The following ANKRD66 variants were observed in gnomAD, a reference collection of about 807,000 sequenced individuals.
ANKRD66 encodes the protein ankyrin repeat domain-containing protein 66.
Under a neutral mutation model 10.9 loss-of-function variants are expected in ANKRD66, and 10 were observed. The ratio of observed to expected loss-of-function variants is 0.91; its 90% CI spans 0.56 to 1.55. ANKRD66 has a LOEUF of 1.55. ANKRD66 is among the 40% of genes most tolerant of loss of function. The pLI, the probability that ANKRD66 is intolerant of heterozygous loss-of-function variation, is 0.00. For missense variants in ANKRD66, 252 were observed against 242.9 expected (o/e 1.04, Z -0.25); for synonymous variants, 85 against 88.4 (o/e 0.96, Z 0.22).
At position 46,758,736 on chromosome 6, in the gene ANKRD66, T is replaced by A; in HGVS notation, c.406T>A (p.Cys136Ser). Reference sequence around the variant, plus strand: ...CTTCTTTCCTAGGGCAGAGCCCGAGTGCCAGGACCACCGTTGCGCTGCCCA... The same window carrying A: ...CTTCTTTCCTAGGGCAGAGCCCGAGAGCCAGGACCACCGTTGCGCTGCCCA... ...VAFLEKAEPE[C>S]QDHRCAAQQK... Residue 136 changes from cysteine (C) to serine (S), a missense_variant, in exon 5 of 5, where the codon TGC becomes AGC. Cys to Ser is a moderately radical substitution (Grantham distance 112). Transcript: ENST00000565422. 3 of 1,548,796 alleles carry A rather than the reference T, an allele frequency of 1.9e-6. No individual in the cohort carries two copies. Among genetic ancestry groups the A allele is most frequent in the Non-Finnish European group, 2.6e-6 (3 of 1,146,218 alleles).
At chr6:46,752,939 C>T (rs1582606243) in intron 3 of ANKRD66, among the ~76,000 whole-genome samples, 1 of 152,224 alleles carries the variant, frequency 6.6e-6, no homozygotes, top group South Asian at 2.1e-4. Flanking sequence ...GTGCTATGGT[C>T]AACTTTGCTT....
intron 4 of ANKRD66, among the ~76,000 whole-genome samples, chr6:46,755,800 T>C (rs1034904645): frequency 4.6e-5 from 7 of 152,160 alleles, no homozygotes; most frequent in Non-Finnish European, 1.0e-4. Context: ...GCTAATCTAC[T>C]TTTTTTAATC....
chr6:46,749,814 GT>G (rs1766229593), intron 1 of ANKRD66, 81 bp from the exon 2 acceptor site: 1 of 1,456,502 alleles, frequency 6.9e-7, no homozygotes, highest in Non-Finnish European at 9.1e-7. Context: ...TCCGGTCTTT[GT>G]GAATGGTTCT....
rs562546379 is a variant in ANKRD66 at position 46,753,744 on chromosome 6, C to T, written c.186C>T (p.Leu62=). 29 of 1,550,762 alleles carry T rather than the reference C, an allele frequency of 1.9e-5. No homozygotes were observed. In the Admixed American group the frequency reaches 2.0e-4, roughly 11 times the overall value. ...AIKGQMEVIR[L]LIEYGARPCL... ...AAGGGCAAATGGAGGTGATACGGCTCCTGATAGAATATGGAGCCAGGCCCT... is the reference window on the plus strand; with the variant it reads ...AAGGGCAAATGGAGGTGATACGGCTTCTGATAGAATATGGAGCCAGGCCCT... The change falls in exon 4 of 5, where the codon CTC becomes CTT. Residue 62 remains leucine (L), a synonymous_variant. Coordinates refer to ENST00000565422, the MANE Select transcript of ANKRD66 (RefSeq NM_001162435.3).
chr6:46,748,129 A>G (rs539542338), intron 1 of ANKRD66, among the ~76,000 whole-genome samples: 1 of 152,332 alleles, frequency 6.6e-6, no homozygotes, highest in Non-Finnish European at 1.5e-5. Flanking sequence ...TCTCAGCATC[A>G]TTTATTGAAA....
chr6:46,755,283 T>A (rs1006977442), intron 4 of ANKRD66, among the ~76,000 whole-genome samples: 1 of 152,204 alleles, frequency 6.6e-6, no homozygotes, highest in Admixed American at 6.5e-5. Context: ...AAATCCCACG[T>A]CAATATATGG....
chr6:46,752,309 A>G lies in ANKRD66; in HGVS notation c.163+198A>G, dbSNP rs929908219. ...GAGTGCAGTGGCACAATCTCAGCTCACTATAACCTCCACCTCCTGGGTTCA... is the reference window on the plus strand; with the variant it reads ...GAGTGCAGTGGCACAATCTCAGCTCGCTATAACCTCCACCTCCTGGGTTCA... On this transcript the variant is annotated intron_variant, in intron 3 of 4. Transcript: ENST00000565422. Among the ~76,000 whole-genome samples the G allele has an allele frequency of 2.0e-5, 3 of 152,272 alleles. No individual in the cohort carries two copies. In the South Asian group the frequency reaches 6.2e-4, roughly 32 times the overall value.
At chr6:46,752,344 C>G (rs1209435169) in intron 3 of ANKRD66, among the ~76,000 whole-genome samples, 1 of 152,188 alleles carries the variant, frequency 6.6e-6, no homozygotes, top group East Asian at 1.9e-4. Flanking sequence ...AAGCGATTCT[C>G]CTGCCTCAGC....
Position 46,749,879 on chromosome 6 carries a change from T to C in ANKRD66, c.-96-17T>C. ...ATTGCATTTTAATTACGTTTACTTTTCTTTCTCTCCCTCCAGGGCTGTTCT... is the reference window on the plus strand; with the variant it reads ...ATTGCATTTTAATTACGTTTACTTTCCTTTCTCTCCCTCCAGGGCTGTTCT... On this transcript the variant is annotated splice_polypyrimidine_tract_variant and intron_variant, in intron 1 of 4. Coordinates refer to ENST00000565422, the MANE Select transcript of ANKRD66 (RefSeq NM_001162435.3). 1.9e-6 allele frequency: 3 copies of C among 1,545,828 alleles called. No homozygotes were observed. Among genetic ancestry groups the C allele is most frequent in the Non-Finnish European group, 2.6e-6 (3 of 1,144,026 alleles).
In ANKRD66 at chr6:46,753,841, A is replaced by G. The variant is rs1474744374; in HGVS notation, c.283A>G (p.Thr95Ala). 2.6e-6 allele frequency: 4 copies of G among 1,551,038 alleles called. No individual in the cohort carries two copies. The African/African-American group carries it at 5.5e-5, about 21-fold the overall frequency. Residue 95 changes from threonine (T) to alanine (A), a missense_variant, in exon 4 of 5, where the codon ACT becomes GCT. Transcript: ENST00000565422. ...AEAGHLNILK[T>A]LHALHAAIDA... ...AGCAGGCCATCTGAATATACTCAAAACTCTCCATGCATTGCACGCTGCCAT... is the reference window on the plus strand; with the variant it reads ...AGCAGGCCATCTGAATATACTCAAAGCTCTCCATGCATTGCACGCTGCCAT...
intron 1 of ANKRD66, among the ~76,000 whole-genome samples, chr6:46,749,363 T>C (rs1426661319): frequency 1.3e-5 from 2 of 152,078 alleles, no homozygotes; most frequent in Non-Finnish European, 2.9e-5. Flanking sequence ...AAACTGACCA[T>C]CTCACCGACC....
rs181218771 is a variant in ANKRD66, at chr6:46,752,081, C to G, written c.133C>G (p.Arg45Gly). 6.6e-7 allele frequency: 1 copy of G among 1,511,174 alleles called. No homozygotes were observed. Among genetic ancestry groups the G allele is most frequent in the Non-Finnish European group, 8.8e-7 (1 of 1,131,008 alleles). The allele number at this position is 1,511,174 out of a possible 1,614,324, so 93.6% of individuals were successfully genotyped here. The part of the protein sequence containing the change: ...PNYKDVDWND[R>G]TPLHWAAIKG... Reference sequence around the variant, plus strand: ...CTACAAAGATGTAGACTGGAATGACCGGACCCCACTTCACTGGGCTGCAAT... The same window carrying G: ...CTACAAAGATGTAGACTGGAATGACGGGACCCCACTTCACTGGGCTGCAAT... The change falls in exon 3 of 5, where the codon CGG becomes GGG. Residue 45 changes from arginine to glycine, a missense_variant. Coordinates refer to ENST00000565422, the MANE Select transcript of ANKRD66 (RefSeq NM_001162435.3).
At chr6:46,755,799 C>CT (rs1369022212) in intron 4 of ANKRD66, among the ~76,000 whole-genome samples, 10 of 152,098 alleles carry the variant, frequency 6.6e-5, no homozygotes, top group Non-Finnish European at 1.5e-4. Context: ...AGCTAATCTA[C>CT]TTTTTTTAAT....
chr6:46,749,531 A>G (rs1007593728), intron 1 of ANKRD66, among the ~76,000 whole-genome samples: 3 of 98,534 alleles, frequency 3.0e-5, no homozygotes, highest in African/African-American at 1.1e-4. Flanking sequence ...TCTTGGCATA[A>G]TTTTTTTTTC....
intron 4 of ANKRD66, among the ~76,000 whole-genome samples, chr6:46,754,659 C>T (rs183569390): frequency 1.3e-5 from 2 of 152,238 alleles, no homozygotes; most frequent in East Asian, 3.9e-4. Flanking sequence ...TCTATAGGGG[C>T]AGTTCATGAT....
chr6:46,749,557 C>T lies in ANKRD66; in HGVS notation c.-96-339C>T, dbSNP rs111455763. Among the ~76,000 whole-genome samples, 14 of 96,398 alleles carry T rather than the reference C, an allele frequency of 1.5e-4. 2 individuals carry two copies. The Admixed American group carries it at 1.6e-3, about 11-fold the overall frequency. 63.2% of individuals were successfully genotyped at this position (96,398 alleles called of 152,430 possible). A position where few individuals can be genotyped will look rare whatever the true frequency, so the allele number is the denominator to read the frequency against. On this transcript the variant is annotated intron_variant, in intron 1 of 4. Transcript: ENST00000565422. ...TTTTTTTTTCTCTTTTATTCCCCCC[C>T]CCCCCCCCCCGCTTTTTTCTTTTCC...
intron 1 of ANKRD66, among the ~76,000 whole-genome samples, chr6:46,749,625 A>G (rs1161376475): frequency 1.6e-5 from 2 of 127,502 alleles, no homozygotes; most frequent in African/African-American, 6.1e-5. Flanking sequence ...TTACAGAAAA[A>G]GTTTATTGAC....
rs975761303 is a variant in ANKRD66, at chr6:46,750,343, A to C, written c.-13+364A>C. Among the ~76,000 whole-genome samples, 5 of 152,252 alleles carry C rather than the reference A, an allele frequency of 3.3e-5. No homozygotes were observed. The East Asian group carries it at 9.6e-4, about 29-fold the overall frequency. Reference sequence around the variant, plus strand: ...AAATATTGATTAGTTCATTTAAAAAACTGTAATAAACTTATTACACTATAA... The same window carrying C: ...AAATATTGATTAGTTCATTTAAAAACCTGTAATAAACTTATTACACTATAA... On this transcript the variant is annotated intron_variant, in intron 2 of 4. Transcript: ENST00000565422.
intron 1 of ANKRD66, among the ~76,000 whole-genome samples, chr6:46,749,598 A>G (rs1766225040): frequency 8.8e-6 from 1 of 113,204 alleles, no homozygotes; most frequent in South Asian, 3.0e-4. Context: ...GCATAAAAAT[A>G]TTTACTATCT....
Sources: allele counts gnomAD v4.1 joint callset (sites outside exome capture counted in the v4.1 genomes callset), GRCh38; gene constraint gnomAD v4.1.1; transcripts MANE v1.5; gene names NCBI Gene and HGNC (gene_info 2026-07-23, HGNC 2026-07-21).